The following CCDC39 variants were observed in gnomAD, a reference collection of about 807,000 sequenced individuals.
CCDC39 encodes the protein coiled-coil domain-containing protein 39.
CCDC39 carries 113 observed loss-of-function variants against 121.0 expected under a neutral mutation model. The observed-to-expected ratio is 0.93, with a 90% CI of 0.80 to 1.09. The LOEUF is 1.09. Among genes scored for constraint, CCDC39 ranks in the 50% least tolerant of loss-of-function variants. The pLI, the probability that CCDC39 is intolerant of heterozygous loss-of-function variation, is 0.00. For synonymous variants in CCDC39, 349 were observed against 352.2 expected (o/e 0.99, Z 0.10); for missense variants, 1,063 against 1,074.7 (o/e 0.99, Z 0.15).
intron 1 of CCDC39, among the ~76,000 whole-genome samples, chr3:180,666,704 A>T (rs897433047): frequency 2.6e-5 from 4 of 152,196 alleles, no homozygotes; most frequent in African/African-American, 9.6e-5. Flanking sequence ...AAGAGTTTCC[A>T]AACAACATTT....
chr3:180,631,698 C>G, intron 13 of CCDC39, 106 bp from the exon 14 acceptor site: 2 of 885,104 alleles, frequency 2.3e-6, no homozygotes, highest in Non-Finnish European at 3.4e-6. Flanking sequence ...TACTACTAAA[C>G]TCAAACAGGT....
At position 180,679,470 on chromosome 3, in the gene CCDC39, A is replaced by G; in HGVS notation, c.-90T>C. Reference sequence around the variant, plus strand: ...ACCCGCGTCAAGCCCAGGCACCTGCACAGTGCCGCGGCAATTGCCGGGGGA... The same window carrying G: ...ACCCGCGTCAAGCCCAGGCACCTGCGCAGTGCCGCGGCAATTGCCGGGGGA... On this transcript the variant is annotated 5_prime_UTR_variant, in exon 1 of 20. Transcript: ENST00000476379. This position sits in a 1 kb window ranked among gnomAD's most constrained non-coding sequence, Gnocchi z 4.0. 8.1e-7 allele frequency: 1 copy of G among 1,229,154 alleles called. No individual in the cohort carries two copies. The highest frequency in any genetic ancestry group is 1.2e-6 in the Non-Finnish European group (1 of 829,926). 76.1% of individuals were successfully genotyped at this position (1,229,154 alleles called of 1,614,324 possible). A position where few individuals can be genotyped will look rare whatever the true frequency, so the allele number is the denominator to read the frequency against.
At chr3:180,676,108 C>T (rs1346690425) in intron 1 of CCDC39, among the ~76,000 whole-genome samples, 1 of 152,018 alleles carries the variant, frequency 6.6e-6, no homozygotes, top group Non-Finnish European at 1.5e-5. Flanking sequence ...TCTAAAACAC[C>T]AAAAGCAATG....
At chr3:180,667,498 TTA>T in intron 1 of CCDC39, among the ~76,000 whole-genome samples, 1 of 152,158 alleles carries the variant, frequency 6.6e-6, no homozygotes, top group African/African-American at 2.4e-5. Flanking sequence ...TTCATTATTA[TTA>T]TATCTGTTAT....
chr3:180,633,551 G>A (rs868267586), intron 13 of CCDC39, among the ~76,000 whole-genome samples: 1 of 152,092 alleles, frequency 6.6e-6, no homozygotes, highest in Non-Finnish European at 1.5e-5. Context: ...GAGAGACAAG[G>A]GGGGAGATTA....
chr3:180,621,595 G>C (rs1717434019), intron 14 of CCDC39, among the ~76,000 whole-genome samples: 1 of 151,762 alleles, frequency 6.6e-6, no homozygotes, highest in Non-Finnish European at 1.5e-5. Context: ...CCAACTTTTA[G>C]GTTCAAGGGC....
In CCDC39 at chr3:180,659,476, A is replaced by G; in HGVS notation, c.714T>C (p.Asp238=). Residue 238 remains aspartate, a synonymous_variant, in exon 6 of 20, where the codon GAT becomes GAC. Transcript: ENST00000476379. The stretch of plus-strand genomic sequence containing the variant: ...CCAAAGCACAGTTATCTATGTCTCC[A>G]TCCCTCTTCTGCATCTGTTCTATTG... ...ENTIEQMQKR[D]GDIDNCALEL... 6.2e-7 allele frequency: 1 copy of G among 1,613,524 alleles called. No homozygotes were observed. Among genetic ancestry groups the G allele is most frequent in the Non-Finnish European group, 8.5e-7 (1 of 1,179,652 alleles).
At chr3:180,670,456 A>C (rs1433367013) in intron 1 of CCDC39, among the ~76,000 whole-genome samples, 1 of 152,106 alleles carries the variant, frequency 6.6e-6, no homozygotes, top group Admixed American at 6.5e-5. Flanking sequence ...CTCACCTACA[A>C]GTAAAATGGT....
chr3:180,652,364 T>C (rs1038919411), intron 7 of CCDC39, 98 bp from the exon 8 acceptor site: 3 of 636,752 alleles, frequency 4.7e-6, no homozygotes, highest in Non-Finnish European at 7.6e-6. Flanking sequence ...AGTTCTAACC[T>C]ACATCACACC....
Position 180,642,193 on chromosome 3 carries a change from C to T in CCDC39, c.1674G>A (p.Met558Ile). 6.3e-7 allele frequency: 1 copy of T among 1,584,090 alleles called. No homozygotes were observed. Among genetic ancestry groups the T allele is most frequent in the Non-Finnish European group, 8.6e-7 (1 of 1,164,172 alleles). Residue 558 changes from methionine to isoleucine, a missense_variant, in exon 13 of 20, where the codon ATG becomes ATA. Coordinates refer to ENST00000476379, the MANE Select transcript of CCDC39 (RefSeq NM_181426.2). ...CAAGTTTTAAAAGATTGTCCTCTATCATCAAATCCTATCAACGTAACAAAA... is the reference window on the plus strand; with the variant it reads ...CAAGTTTTAAAAGATTGTCCTCTATTATCAAATCCTATCAACGTAACAAAA... ...DKAKGFKQDL[M>I]IEDNLLKLEV...
chr3:180,677,065 C>G (rs1228945208), intron 1 of CCDC39, among the ~76,000 whole-genome samples: 1 of 148,238 alleles, frequency 6.7e-6, no homozygotes, highest in African/African-American at 2.5e-5. Flanking sequence ...TTAATGGGTG[C>G]AGCACACCAA....
chr3:180,666,704 AAAC>A (rs775356972), intron 1 of CCDC39, among the ~76,000 whole-genome samples: 5 of 152,196 alleles, frequency 3.3e-5, no homozygotes, highest in Non-Finnish European at 7.4e-5. Flanking sequence ...AAGAGTTTCC[AAAC>A]AACATTTTAT....
At chr3:180,618,254 A>ATTT (rs1255518833) in intron 16 of CCDC39, among the ~76,000 whole-genome samples, 3 of 152,160 alleles carry the variant, frequency 2.0e-5, no homozygotes, top group Non-Finnish European at 4.4e-5. Flanking sequence ...GGTTTTATGG[A>ATTT]TTAAATTTTT....
In CCDC39 at chr3:180,642,038, A is replaced by T. The variant is rs1717965392; in HGVS notation, c.1829T>A (p.Leu610His). The part of the protein sequence containing the change: ...TEEIKVHKTM[L>H]ASQIRYVDQE... ...ATCAACATATCTTATTTGTGACGCA[A>T]GCATTGTTTTATGAACCTTGATTTC... is the stretch of plus-strand genomic sequence containing the variant. Residue 610 changes from leucine (L) to histidine (H), a missense_variant, in exon 13 of 20, where the codon CTT becomes CAT. By Grantham distance (99) the Leu-to-His change is moderately conservative (BLOSUM62 -3). Transcript: ENST00000476379. 6.2e-7 allele frequency: 1 copy of T among 1,606,420 alleles called. No homozygotes were observed. The highest frequency in any genetic ancestry group is 8.5e-7 in the Non-Finnish European group (1 of 1,176,098).
Position 180,614,679 on chromosome 3 carries a change from T to C in CCDC39, c.*242A>G, listed in dbSNP as rs1331656573. 7.5e-6 allele frequency: 3 copies of C among 402,100 alleles called. No homozygotes were observed. The highest frequency in any genetic ancestry group is 1.3e-5 in the Non-Finnish European group (3 of 227,194). 24.9% of individuals were successfully genotyped at this position (402,100 alleles called of 1,614,324 possible). On this transcript the variant is annotated 3_prime_UTR_variant, in exon 20 of 20. Transcript: ENST00000476379. ...TACGAACATCAGAATTACAGTGAAA[T>C]ACAGCATTTTTCCTATGCTTGTATA...
chr3:180,652,452 G>A (rs932916519), intron 7 of CCDC39, among the ~76,000 whole-genome samples, 186 bp from the exon 8 acceptor site: 1 of 151,842 alleles, frequency 6.6e-6, no homozygotes, highest in African/African-American at 2.4e-5. Flanking sequence ...ATTTTAATTG[G>A]CTTTGTTGTA....
In CCDC39 at chr3:180,619,951, T is replaced by C. The variant is rs777162306; in HGVS notation, c.2018A>G (p.Glu673Gly). ...YVIKAAQEKE[E>G]LQREGDCLDA... ...CAAACAGTCACCTTCCCTTTGAAGTTCTTCTTTTTCTTGAGCAGCCTATGA... is the reference window on the plus strand; with the variant it reads ...CAAACAGTCACCTTCCCTTTGAAGTCCTTCTTTTTCTTGAGCAGCCTATGA... The change falls in exon 15 of 20, where the codon GAA becomes GGA. Residue 673 changes from glutamate to glycine, a missense_variant. Coordinates refer to ENST00000476379, the MANE Select transcript of CCDC39 (RefSeq NM_181426.2). 1 of 1,606,426 alleles carries C rather than the reference T, an allele frequency of 6.2e-7. No homozygotes were observed. The highest frequency in any genetic ancestry group is 1.1e-5 in the South Asian group (1 of 90,048).
chr3:180,618,443 C>T (rs1461664233), intron 16 of CCDC39, among the ~76,000 whole-genome samples: 1 of 151,790 alleles, frequency 6.6e-6, no homozygotes, highest in Non-Finnish European at 1.5e-5. Context: ...TTTTAGGGTA[C>T]ATGTGCACAA....
chr3:180,651,463 A>G lies in CCDC39; in HGVS notation c.1105T>C (p.Ser369Pro), dbSNP rs1718206563. 6.4e-7 allele frequency: 1 copy of G among 1,553,210 alleles called. No homozygotes were observed. The highest frequency in any genetic ancestry group is 1.4e-5 in the African/African-American group (1 of 73,340). Residue 369 changes from serine to proline, a missense_variant, in exon 9 of 20, where the codon TCT becomes CCT. Physicochemically the swap from Ser to Pro is moderately conservative, Grantham distance 74. Transcript: ENST00000476379. ...KLKEITEKTM[S>P]VEEKATNLED... is the part of the protein sequence containing the mutation. Reference sequence around the variant, plus strand: ...AAATTAGTAGCTTTCTCTTCTACAGACATGGTTTTCTCAGTTATCTCCTTT... The same window carrying G: ...AAATTAGTAGCTTTCTCTTCTACAGGCATGGTTTTCTCAGTTATCTCCTTT...
Sources: gnomAD v4.1 joint callset for allele counts (sites outside exome capture counted in the v4.1 genomes callset) on GRCh38, gnomAD v4.1.1 for gene constraint, Gnocchi (gnomAD v3.1) non-coding constraint, MANE v1.5 for transcripts, NCBI Gene and HGNC (gene_info 2026-07-23, HGNC 2026-07-21) for gene names.